Variants in ITGA4 observed in about 807,000 individuals in gnomAD.
ITGA4 encodes the protein integrin subunit alpha 4, also known as integrin alpha-4.
ITGA4 carries 63 observed loss-of-function variants against 133.6 expected under a neutral mutation model. The observed-to-expected ratio is 0.47, with a 90% CI of 0.38 to 0.58. The LOEUF is 0.58. ITGA4 is among the 20% of genes least tolerant of loss of function. The pLI is 0.00. For missense variants in ITGA4, 1,076 were observed against 1,252.7 expected (o/e 0.86, Z 2.13); for synonymous variants, 483 against 438.0 (o/e 1.10, Z -1.28).
chr2:181,478,975 A>G (rs1685742504), intron 5 of ITGA4, 151 bp downstream of exon 5: 1 of 421,192 alleles, frequency 2.4e-6, no homozygotes, highest in Non-Finnish European at 4.3e-6. Context: ...AATTTTTGCC[A>G]CTCAAAATTC....
Position 181,494,769 on chromosome 2 carries a change from G to T in ITGA4, c.1296G>T (p.Gln432His). The T allele has an allele frequency of 6.2e-7, 1 of 1,602,010 alleles. No homozygotes were observed. Among genetic ancestry groups the T allele is most frequent in the South Asian group, 1.1e-5 (1 of 90,838 alleles). The change falls in exon 12 of 28, where the codon CAG becomes CAT. Residue 432 changes from glutamine to histidine, a missense_variant. Transcript: ENST00000397033. Reference protein sequence around the residue: ...QISKSLSMFGQSISGQIDADN... With the variant: ...QISKSLSMFGHSISGQIDADN... ...GCAAATCGTTAAGTATGTTTGGACAGTCTATATCAGGACAAATTGATGCAG... is the reference window on the plus strand; with the variant it reads ...GCAAATCGTTAAGTATGTTTGGACATTCTATATCAGGACAAATTGATGCAG...
rs1327885407 is a variant in ITGA4, at chr2:181,457,465, C to T, written c.-190C>T. ...CCGGGCGAGTGCGCGGCATCCCAGG[C>T]CGGCCCGAACGCTCCGCCCGCGGTG... is the stretch of plus-strand genomic sequence containing the variant. On this transcript the variant is annotated 5_prime_UTR_variant, in exon 1 of 28. Coordinates refer to ENST00000397033, the MANE Select transcript of ITGA4 (RefSeq NM_000885.6). 3.5e-6 allele frequency: 2 copies of T among 574,428 alleles called. No homozygotes were observed. Among genetic ancestry groups the T allele is most frequent in the Non-Finnish European group, 6.0e-6 (2 of 332,486 alleles). 35.6% of individuals were successfully genotyped at this position (574,428 alleles called of 1,614,324 possible). A position where few individuals can be genotyped will look rare whatever the true frequency, so the allele number is the denominator to read the frequency against.
rs760855244 is a variant in ITGA4, at chr2:181,509,721, G to A, written c.1759G>A (p.Val587Ile). ...IEAAYHLGPH[V>I]ISKRSTEEFP... The stretch of plus-strand genomic sequence containing the variant: ...AGCTGCTTACCACCTTGGTCCTCAT[G>A]TCATCAGTAAACGAAGTACAGAGGA... The change falls in exon 16 of 28, where the codon GTC becomes ATC. Residue 587 changes from valine to isoleucine, a missense_variant. Around this residue, in one of 4 missense-constraint regions of ITGA4, gnomAD observed 365 missense variants for 421.4 expected, o/e 0.87. Coordinates refer to ENST00000397033, the MANE Select transcript of ITGA4 (RefSeq NM_000885.6). The A allele has an allele frequency of 1.2e-6, 2 of 1,611,026 alleles. No homozygotes were observed. The highest frequency in any genetic ancestry group is 2.2e-5 in the South Asian group (2 of 90,854).
rs116444114 is a variant in ITGA4 at position 181,530,436 on chromosome 2, A to C, written c.2539-88A>C. 1.4e-3 allele frequency: 1,741 copies of C among 1,229,022 alleles called. 18 individuals are homozygous for C. In the African/African-American group the frequency reaches 0.023, roughly 16 times the overall value. The allele number at this position is 1,229,022 out of a possible 1,614,324, so 76.1% of individuals were successfully genotyped here. A position where few individuals can be genotyped will look rare whatever the true frequency, so the allele number is the denominator to read the frequency against. On this transcript the variant is annotated intron_variant, in intron 23 of 27. Transcript: ENST00000397033. ...TACTTGATATATTTTAGCAAAGATAAGCTACTGGAACTTTTAAAACCAGGT... is the reference window on the plus strand; with the variant it reads ...TACTTGATATATTTTAGCAAAGATACGCTACTGGAACTTTTAAAACCAGGT...
chr2:181,487,768 TG>T (rs1261366924), intron 10 of ITGA4, among the ~76,000 whole-genome samples: 1 of 152,162 alleles, frequency 6.6e-6, no homozygotes, highest in Non-Finnish European at 1.5e-5. Flanking sequence ...AAGAAAATAG[TG>T]GCACCCTTTT....
chr2:181,510,459 A>G (rs1444005795), intron 16 of ITGA4, among the ~76,000 whole-genome samples: 4 of 152,086 alleles, frequency 2.6e-5, no homozygotes, highest in South Asian at 2.1e-4. Flanking sequence ...TTTAGTGTCT[A>G]TCAACACAAA....
chr2:181,481,892 G>A (rs1685813243), intron 7 of ITGA4, among the ~76,000 whole-genome samples: 2 of 152,208 alleles, frequency 1.3e-5, no homozygotes, highest in African/African-American at 2.4e-5. Flanking sequence ...AAAGTCAAAC[G>A]AGACATTGTT....
Position 181,534,812 on chromosome 2 carries a change from G to C in ITGA4, c.2884-4G>C, listed in dbSNP as rs201459820. 12 of 1,574,180 alleles carry C rather than the reference G, an allele frequency of 7.6e-6. No homozygotes were observed. Among genetic ancestry groups the C allele is most frequent in the African/African-American group, 1.4e-5 (1 of 71,902 alleles). ...TTGAGTTTTATTTTTCTTAACTCAC[G>C]TAGGTTCTACTGGAAGGACTACATC... On this transcript the variant is annotated splice_region_variant and splice_polypyrimidine_tract_variant and intron_variant, in intron 26 of 27. Coordinates refer to ENST00000397033, the MANE Select transcript of ITGA4 (RefSeq NM_000885.6).
chr2:181,537,929 T>C lies in ITGA4; in HGVS notation c.*2402T>C. 1 of 597,774 alleles carries C rather than the reference T, an allele frequency of 1.7e-6. No individual in the cohort carries two copies. Among genetic ancestry groups the C allele is most frequent in the Non-Finnish European group, 3.2e-6 (1 of 317,446 alleles). The allele number at this position is 597,774 out of a possible 1,614,324, so 37.0% of individuals were successfully genotyped here. A position where few individuals can be genotyped will look rare whatever the true frequency, so the allele number is the denominator to read the frequency against. On this transcript the variant is annotated 3_prime_UTR_variant, in exon 28 of 28. Coordinates refer to ENST00000397033, the MANE Select transcript of ITGA4 (RefSeq NM_000885.6). Reference sequence around the variant, plus strand: ...CCCCCTGTCAGATCAGCAGCAGCATTAGATTCTCATAGAAGTGCGAACCAT... The same window carrying C: ...CCCCCTGTCAGATCAGCAGCAGCATCAGATTCTCATAGAAGTGCGAACCAT...
chr2:181,460,348 C>T (rs1390881666), intron 2 of ITGA4, among the ~76,000 whole-genome samples: 2 of 152,176 alleles, frequency 1.3e-5, no homozygotes, highest in East Asian at 3.9e-4. Context: ...TCTTTTATTC[C>T]TCATGTAAAG....
intron 10 of ITGA4, among the ~76,000 whole-genome samples, chr2:181,487,786 C>T (rs912943490): frequency 6.6e-6 from 1 of 152,106 alleles, no homozygotes; most frequent in African/African-American, 2.4e-5. Flanking sequence ...TTTTTTATAG[C>T]TCTACCATCA....
rs762554889 is a variant in ITGA4, at chr2:181,527,358, A to C, written c.2401A>C (p.Met801Leu). 1 of 1,612,488 alleles carries C rather than the reference A, an allele frequency of 6.2e-7. No individual in the cohort carries two copies. Among genetic ancestry groups the C allele is most frequent in the Non-Finnish European group, 8.5e-7 (1 of 1,178,632 alleles). The change falls in exon 22 of 28, where the codon ATG becomes CTG. Residue 801 changes from methionine (M) to leucine (L), a missense_variant. Physicochemically the swap from Met to Leu is conservative, Grantham distance 15. This residue lies in a region of ITGA4 where 365 missense variants were observed against 421.4 expected (regional missense o/e 0.87). Transcript: ENST00000397033. ...SNDENEPETC[M>L]VEKMNLTFHV... ...TGATGAAAATGAGCCTGAAACGTGCATGGTGGAGAAAATGAACTTAACTTT... is the reference window on the plus strand; with the variant it reads ...TGATGAAAATGAGCCTGAAACGTGCCTGGTGGAGAAAATGAACTTAACTTT...
chr2:181,515,631 C>A (rs1411169138), intron 17 of ITGA4, among the ~76,000 whole-genome samples: 1 of 151,980 alleles, frequency 6.6e-6, no homozygotes, highest in Non-Finnish European at 1.5e-5. Context: ...AAGTTACAGG[C>A]TATGTATTTC....
intron 2 of ITGA4, among the ~76,000 whole-genome samples, chr2:181,465,544 A>C (rs1685390948): frequency 6.6e-6 from 1 of 152,150 alleles, no homozygotes; most frequent in Non-Finnish European, 1.5e-5. Flanking sequence ...TCTTGTTTCA[A>C]AGATAGACAA....
Position 181,536,667 on chromosome 2 carries a change from C to CAAAATTTTCATGAAATGTAAAATATTTT in ITGA4, c.*1141_*1168dup, listed in dbSNP as rs1687114044. The CAAAATTTTCATGAAATGTAAAATATTTT allele has an allele frequency of 5.6e-6, 1 of 178,006 alleles. No homozygotes were observed. The highest frequency in any genetic ancestry group is 2.4e-5 in the African/African-American group (1 of 41,558). The allele number at this position is 178,006 out of a possible 1,614,324, so 11.0% of individuals were successfully genotyped here. On this transcript the variant is annotated 3_prime_UTR_variant, in exon 28 of 28. Transcript: ENST00000397033. ...ACAGTGAATATAAATGAGACGACAG[C>CAAAATTTTCATGAAATGTAAAATATTTT]AAAATTTTCATGAAATGTAAAATAT...
At chr2:181,501,624 A>G (rs1041409436) in intron 15 of ITGA4, among the ~76,000 whole-genome samples, 4 of 152,136 alleles carry the variant, frequency 2.6e-5, no homozygotes, top group South Asian at 2.1e-4. Flanking sequence ...GTTGAAGTCA[A>G]TTTGCTGACA....
At chr2:181,503,075 G>A (rs779413152) in intron 15 of ITGA4, among the ~76,000 whole-genome samples, 5 of 152,000 alleles carry the variant, frequency 3.3e-5, no homozygotes, top group East Asian at 3.9e-4. Flanking sequence ...ACTATTAAAC[G>A]GATCGAGCTG....
chr2:181,529,796 A>G (rs1163075200), intron 23 of ITGA4, 148 bp downstream of exon 23: 1 of 559,970 alleles, frequency 1.8e-6, no homozygotes, highest in African/African-American at 1.9e-5. Flanking sequence ...TTCACCATGC[A>G]TTTATTGAGT....
intron 15 of ITGA4, among the ~76,000 whole-genome samples, chr2:181,500,246 A>C (rs1172305389): frequency 6.6e-6 from 1 of 152,144 alleles, no homozygotes; most frequent in East Asian, 1.9e-4. Flanking sequence ...CGTATATAGA[A>C]AGGCAAAAAG....
Sources: allele counts gnomAD v4.1 joint callset (sites outside exome capture counted in the v4.1 genomes callset), GRCh38; gene constraint gnomAD v4.1.1; regional missense constraint gnomAD v4.1.1; transcripts MANE v1.5; gene names NCBI Gene and HGNC (gene_info 2026-07-23, HGNC 2026-07-21).